The following PRKDC variants were observed in gnomAD, a reference collection of about 807,000 sequenced individuals.
The protein encoded by PRKDC is DNA-dependent protein kinase catalytic subunit.
In PRKDC, 82 loss-of-function variants were observed where a neutral mutation model predicts 486.9. The observed-to-expected ratio is 0.17, with a 90% CI of 0.14 to 0.20. The LOEUF (loss-of-function observed/expected upper bound fraction) is 0.20. PRKDC is among the 10% of genes least tolerant of loss of function. The probability of loss-of-function intolerance (pLI) is 1.00; values close to 1 mark genes in which losing one functional copy is unlikely to be tolerated. For synonymous variants in PRKDC, 1,895 were observed against 1,837.0 expected, an observed-to-expected ratio of 1.03 and a Z score of -0.81; for missense variants, 4,504 against 5,038.2, an observed-to-expected ratio of 0.89 and a Z score of 3.21.
Position 47,893,220 on chromosome 8 carries a change from A to G in PRKDC, c.3766T>C (p.Trp1256Arg). 6.2e-7 allele frequency: 1 copy of G among 1,613,100 alleles called. No individual in the cohort carries two copies. Residue 1256 changes from tryptophan (W) to arginine (R), a missense_variant, in exon 31 of 86, where the codon TGG becomes CGG. Physicochemically the swap from Trp to Arg is moderately radical, Grantham distance 101. Transcript: ENST00000314191. ...AACGCGGCCAGGAGCAGGTCCAGCC[A>G]GCATAGCGTGGCCTGCAGGCTGAAT... ...GPFSLQATLC[W>R]LDLLLAALEC... is the part of the protein sequence containing the mutation.
intron 22 of PRKDC, among the ~76,000 whole-genome samples, chr8:47,916,276 C>T (rs1372440361): frequency 1.3e-5 from 2 of 151,804 alleles, no homozygotes; most frequent in African/African-American, 2.4e-5. Flanking sequence ...GGTGAAAGCC[C>T]GTCTCTACTA....
At chr8:47,861,733 T>C (rs2088681792) in intron 44 of PRKDC, among the ~76,000 whole-genome samples, 1 of 152,258 alleles carries the variant, frequency 6.6e-6, no homozygotes, top group Non-Finnish European at 1.5e-5. Flanking sequence ...CCTGCCACGT[T>C]GCCCAAGCAA....
Position 47,893,299 on chromosome 8 carries a change from A to G in PRKDC, c.3687T>C (p.Cys1229=). The G allele has an allele frequency of 6.2e-7, 1 of 1,609,094 alleles. No homozygotes were observed. Among genetic ancestry groups the G allele is most frequent in the Non-Finnish European group, 8.5e-7 (1 of 1,176,740 alleles). Residue 1229 remains cysteine, a synonymous_variant, in exon 31 of 86, where the codon TGT becomes TGC. Coordinates refer to ENST00000314191, the MANE Select transcript of PRKDC (RefSeq NM_006904.7). The stretch of plus-strand genomic sequence containing the variant: ...GGGCCAGGATGCCCGAGGGCTGGCC[A>G]CAGCCACCCCCCTCAAAGGTGTTGA... ...FLINTFEGGG[C]GQPSGILAQP... is the part of the protein sequence containing the mutation.
intron 74 of PRKDC, among the ~76,000 whole-genome samples, chr8:47,793,163 C>A (rs927275440): frequency 6.6e-6 from 1 of 152,248 alleles, no homozygotes; most frequent in Non-Finnish European, 1.5e-5. Context: ...GTATTATAGG[C>A]ACAGACCATC....
chr8:47,830,795 G>C (rs1589726888), intron 60 of PRKDC, 59 bp from the exon 61 acceptor site: 3 of 1,604,458 alleles, frequency 1.9e-6, no homozygotes, highest in East Asian at 4.5e-5. Context: ...AACTAGTCGT[G>C]CATGAGCTAT....
intron 68 of PRKDC, among the ~76,000 whole-genome samples, chr8:47,815,834 A>G (rs1438645283): frequency 6.6e-6 from 1 of 152,242 alleles, no homozygotes; most frequent in Non-Finnish European, 1.5e-5. Flanking sequence ...TATGTCTCAA[A>G]GCAGCTCCTA....
rs200126714 is a variant in PRKDC, at chr8:47,914,015, C to G, written c.2667G>C (p.Glu889Asp). Residue 889 changes from glutamate (E) to aspartate (D), a missense_variant, in exon 24 of 86, where the codon GAG becomes GAC. Glu to Asp is a conservative substitution (Grantham distance 45, BLOSUM62 2). Transcript: ENST00000314191. ...MMKSYVAWDR[E>D]KRLSFAVPFR... is the part of the protein sequence containing the mutation. ...AGGGCACTGCAAAGCTCAGCCGCTT[C>G]TCTCTGTCCCAGGCCACATAGCTCT... is the stretch of plus-strand genomic sequence containing the variant. 1,089 of 1,599,150 alleles carry G rather than the reference C, an allele frequency of 6.8e-4. 1 individual carries two copies. Among genetic ancestry groups the G allele is most frequent in the Non-Finnish European group, 8.7e-4 (1,024 of 1,172,690 alleles).
chr8:47,816,409 C>T (rs1418562491), intron 68 of PRKDC, among the ~76,000 whole-genome samples: 4 of 152,054 alleles, frequency 2.6e-5, no homozygotes, highest in Non-Finnish European at 5.9e-5. Context: ...TAAAAAGACA[C>T]ATCAGATAAA....
In PRKDC at chr8:47,943,338, T is replaced by C. The variant is rs2090476977; in HGVS notation, c.837A>G (p.Ala279=). ...CCAGAAGGCAGGTGCTAAACTGAGA[T>C]GCATGCAGGGCAAATAGGCGCAAGC... ...SAGLRLFALH[A]SQFSTCLLDN... The change falls in exon 10 of 86, where the codon GCA becomes GCG. Residue 279 remains alanine, a synonymous_variant. Transcript: ENST00000314191. 3.7e-6 allele frequency: 6 copies of C among 1,610,904 alleles called. No homozygotes were observed. Among genetic ancestry groups the C allele is most frequent in the African/African-American group, 1.3e-5 (1 of 74,994 alleles).
intron 21 of PRKDC, among the ~76,000 whole-genome samples, chr8:47,920,310 C>T (rs908457678): frequency 6.6e-6 from 1 of 152,170 alleles, no homozygotes; most frequent in Non-Finnish European, 1.5e-5. Flanking sequence ...ATGTCTGTAT[C>T]TCCTGGTTTT....
At chr8:47,952,664 T>C (rs570996182) in intron 7 of PRKDC, among the ~76,000 whole-genome samples, 5 of 151,740 alleles carry the variant, frequency 3.3e-5, no homozygotes, top group Non-Finnish European at 7.4e-5. Flanking sequence ...AAGACCAGCC[T>C]GGGCAACATA....
At chr8:47,860,189 T>C (rs143284448) in intron 45 of PRKDC, among the ~76,000 whole-genome samples, 1 of 152,160 alleles carries the variant, frequency 6.6e-6, no homozygotes, top group Admixed American at 6.5e-5. Flanking sequence ...GATAAAGCTA[T>C]AAGGAAAAAT....
Position 47,799,291 on chromosome 8 carries a change from C to T in PRKDC, c.10216G>A (p.Ala3406Thr), listed in dbSNP as rs750915616. 8.7e-6 allele frequency: 14 copies of T among 1,613,690 alleles called. No homozygotes were observed. Among genetic ancestry groups the T allele is most frequent in the Admixed American group, 1.7e-5 (1 of 60,022 alleles). ...AQPPSWSCGP[A>T]AGVIDAYMTL... ...ATGTAAGCATCAATCACCCCAGCTG[C>T]AGGCCCACAGCTCCAGGAGGGAGGC... The change falls in exon 72 of 86, where the codon GCA becomes ACA. Residue 3406 changes from alanine to threonine, a missense_variant. By Grantham distance (58) the Ala-to-Thr change is moderately conservative. Around this residue, in one of 6 missense-constraint regions of PRKDC, gnomAD observed 706 missense variants for 945.0 expected, o/e 0.75. Coordinates refer to ENST00000314191, the MANE Select transcript of PRKDC (RefSeq NM_006904.7).
intron 68 of PRKDC, among the ~76,000 whole-genome samples, chr8:47,808,680 T>C (rs1336180185): frequency 6.6e-6 from 1 of 152,158 alleles, no homozygotes; most frequent in Non-Finnish European, 1.5e-5. Flanking sequence ...ACATGTATGA[T>C]TCTGTCCAAG....
At chr8:47,844,243 C>T (rs575780682) in intron 54 of PRKDC, among the ~76,000 whole-genome samples, 1 of 152,188 alleles carries the variant, frequency 6.6e-6, no homozygotes, top group Non-Finnish European at 1.5e-5. Context: ...GCAGCAGTCA[C>T]TATTCTTTTA....
intron 35 of PRKDC, 59 bp from the exon 36 acceptor site, chr8:47,886,206 G>C: frequency 7.3e-7 from 1 of 1,376,138 alleles, no homozygotes; most frequent in African/African-American, 1.5e-5. Context: ...GGCACAGAAA[G>C]ACCCTTGGGC....
At chr8:47,822,920 ATTC>A (rs2087637094) in intron 64 of PRKDC, among the ~76,000 whole-genome samples, 1 of 152,176 alleles carries the variant, frequency 6.6e-6, no homozygotes, top group Non-Finnish European at 1.5e-5. Flanking sequence ...ATCTTCCCAA[ATTC>A]TTCTTTACCT....
chr8:47,815,663 G>A (rs539994137), intron 68 of PRKDC, among the ~76,000 whole-genome samples: 6 of 152,312 alleles, frequency 3.9e-5, no homozygotes, highest in African/African-American at 1.4e-4. Context: ...GTAAACAGAA[G>A]GAAGGGTGCC....
intron 50 of PRKDC, 78 bp from the exon 51 acceptor site, chr8:47,854,292 T>C: frequency 6.5e-7 from 1 of 1,526,776 alleles, no homozygotes. Flanking sequence ...TACAGAATTT[T>C]ATTTTTTTGA....
Sources: gnomAD v4.1 joint callset for allele counts (sites outside exome capture counted in the v4.1 genomes callset) on GRCh38, gnomAD v4.1.1 for gene constraint, gnomAD v4.1.1 regional missense constraint, MANE v1.5 for transcripts, NCBI Gene and HGNC (gene_info 2026-07-23, HGNC 2026-07-21) for gene names.